Variants in ASCC3 observed in about 807,000 individuals in gnomAD.
The protein encoded by ASCC3 is ASC-1 complex subunit P200.
ASCC3 carries 158 observed loss-of-function variants against 256.3 expected under a neutral mutation model. The ratio of observed to expected loss-of-function variants is 0.62; its 90% CI spans 0.54 to 0.70. ASCC3 has a LOEUF of 0.70. ASCC3 is among the 30% of genes least tolerant of loss of function. ASCC3 has a pLI of 0.00. For synonymous variants in ASCC3, 948 were observed against 883.4 expected, an observed-to-expected ratio of 1.07 and a Z score of -1.30; for missense variants, 2,259 against 2,626.0, an observed-to-expected ratio of 0.86 and a Z score of 3.05.
chr6:100,752,866 TGA>T (rs1297215002), intron 10 of ASCC3, among the ~76,000 whole-genome samples: 4 of 152,156 alleles, frequency 2.6e-5, no homozygotes, highest in Non-Finnish European at 5.9e-5. Flanking sequence ...TAGAAAAATA[TGA>T]GAGTAAGTAT....
At chr6:100,516,417 T>C in intron 38 of ASCC3, 90 bp from the exon 39 acceptor site, 1 of 1,458,694 alleles carries the variant, frequency 6.9e-7, no homozygotes, top group Non-Finnish European at 9.4e-7. Flanking sequence ...TATAGCTTTT[T>C]TTGTTTTAAT....
At position 100,607,061 on chromosome 6, in the gene ASCC3, C is replaced by T. The variant is rs1246724506; in HGVS notation, c.4813G>A (p.Asp1605Asn). 1 of 1,613,600 alleles carries T rather than the reference C, an allele frequency of 6.2e-7. No individual in the cohort carries two copies. Residue 1605 changes from aspartate to asparagine, a missense_variant, in exon 31 of 42, where the codon GAT (aspartate) becomes AAT (asparagine). This residue lies in a region of ASCC3 where 1,839 missense variants were observed against 2,206.7 expected (regional missense o/e 0.83). Coordinates refer to ENST00000369162, the MANE Select transcript of ASCC3 (RefSeq NM_006828.4). ...EMENIIATVR[D>N]SNLKLTLAFG... ...GCAAGGGTCAGCTTGAGGTTGGAAT[C>T]TCTTACTGTTGCAATGATGTTCTCC...
rs572665081 is a variant in ASCC3 at position 100,868,277 on chromosome 6, T to A, written c.-41-239A>T. Among the ~76,000 whole-genome samples the A allele has an allele frequency of 2.6e-5, 4 of 152,364 alleles. No homozygotes were observed. In the East Asian group the frequency reaches 7.7e-4, roughly 29 times the overall value. On this transcript the variant is annotated intron_variant, in intron 1 of 41. Coordinates refer to ENST00000369162, the MANE Select transcript of ASCC3 (RefSeq NM_006828.4). The stretch of plus-strand genomic sequence containing the variant: ...AACATTTCCTCAAAATTGGGTTCTG[T>A]AGATTCCCAAGTACAGGCATCAAAT...
At chr6:100,523,221 T>C (rs371782461) in intron 37 of ASCC3, among the ~76,000 whole-genome samples, 13 of 152,060 alleles carry the variant, frequency 8.5e-5, no homozygotes, top group Middle Eastern at 3.4e-3. Flanking sequence ...CCACTGGTAT[T>C]CATTTTCCTC....
At position 100,540,090 on chromosome 6, in the gene ASCC3, T is replaced by A. The variant is rs1275215044; in HGVS notation, c.5775+73A>T. 35 of 1,377,516 alleles carry A rather than the reference T, an allele frequency of 2.5e-5. 1 individual carries two copies. In the East Asian group the frequency reaches 8.0e-4, roughly 32 times the overall value. The allele number at this position is 1,377,516 out of a possible 1,614,324, so 85.3% of individuals were successfully genotyped here. ...AGTTGTTAAATGCAAGTACATTTTATCCTAAAACTAGAAAAAAGAGGGCAG... is the reference window on the plus strand; with the variant it reads ...AGTTGTTAAATGCAAGTACATTTTAACCTAAAACTAGAAAAAAGAGGGCAG... On this transcript the variant is annotated intron_variant, in intron 37 of 41. Coordinates refer to ENST00000369162, the MANE Select transcript of ASCC3 (RefSeq NM_006828.4).
Position 100,717,994 on chromosome 6 carries a change from T to C in ASCC3, c.2079+81A>G. On this transcript the variant is annotated intron_variant, in intron 12 of 41. Coordinates refer to ENST00000369162, the MANE Select transcript of ASCC3 (RefSeq NM_006828.4). ...CACCACAAAAGGCTGAAATGGTCTTTTGGAGTCTCTAACTCCAAACAAGTA... is the reference window on the plus strand; with the variant it reads ...CACCACAAAAGGCTGAAATGGTCTTCTGGAGTCTCTAACTCCAAACAAGTA... 3.6e-6 allele frequency: 5 copies of C among 1,388,384 alleles called. No individual in the cohort carries two copies. In the South Asian group the frequency reaches 3.7e-5, roughly 10 times the overall value. 86.0% of individuals were successfully genotyped at this position (1,388,384 alleles called of 1,614,324 possible).
At chr6:100,719,463 C>T (rs2115027646) in intron 11 of ASCC3, among the ~76,000 whole-genome samples, 1 of 152,042 alleles carries the variant, frequency 6.6e-6, no homozygotes, top group Admixed American at 6.6e-5. Context: ...TTTTTTAAGA[C>T]ACAATAGTTA....
intron 36 of ASCC3, among the ~76,000 whole-genome samples, chr6:100,588,091 A>G (rs1404454851): frequency 6.6e-6 from 1 of 152,080 alleles, no homozygotes; most frequent in African/African-American, 2.4e-5. Context: ...CAGGGCCCAT[A>G]CTCTGGTGCT....
chr6:100,767,187 G>A lies in ASCC3; in HGVS notation c.1554C>T (p.Arg518=), dbSNP rs1217055938. Reference sequence around the variant, plus strand: ...TGATAACACCTTGTTGAAAATGTTGGCGAATTTCATGCAAGACTGTCAGCA... The same window carrying A: ...TGATAACACCTTGTTGAAAATGTTGACGAATTTCATGCAAGACTGTCAGCA... The part of the protein sequence containing the change: ...IAMLTVLHEI[R]QHFQQGVIKK... Residue 518 remains arginine (R), a synonymous_variant, in exon 9 of 42, where the codon CGC becomes CGT. Coordinates refer to ENST00000369162, the MANE Select transcript of ASCC3 (RefSeq NM_006828.4). The A allele has an allele frequency of 6.2e-7, 1 of 1,613,780 alleles. No homozygotes were observed. The highest frequency in any genetic ancestry group is 8.5e-7 in the Non-Finnish European group (1 of 1,180,002).
At chr6:100,849,771 C>G (rs865942657) in intron 3 of ASCC3, among the ~76,000 whole-genome samples, 22 of 151,994 alleles carry the variant, frequency 1.4e-4, no homozygotes, top group African/African-American at 5.1e-4. Flanking sequence ...TACCTAAATA[C>G]TGTTAAAGTT....
rs1473805584 is a variant in ASCC3, at chr6:100,627,628, C to T, written c.4604G>A (p.Cys1535Tyr). 2 of 1,613,528 alleles carry T rather than the reference C, an allele frequency of 1.2e-6. No individual in the cohort carries two copies. The highest frequency in any genetic ancestry group is 1.7e-5 in the Admixed American group (1 of 59,894). Residue 1535 changes from cysteine to tyrosine, a missense_variant, in exon 29 of 42, where the codon TGT (cysteine) becomes TAT (tyrosine). Physicochemically the swap from Cys to Tyr is radical, Grantham distance 194. Transcript: ENST00000369162. Reference protein sequence around the residue: ...HIQGFPGQHYCPRMASMNKPA... With the variant: ...HIQGFPGQHYYPRMASMNKPA... ...CTTGTTCATACTAGCCATACGAGGACAGTAATGTTGACCTGGAAAGCCTTG... is the reference window on the plus strand; with the variant it reads ...CTTGTTCATACTAGCCATACGAGGATAGTAATGTTGACCTGGAAAGCCTTG...
chr6:100,522,487 G>A (rs1337835973), intron 37 of ASCC3, among the ~76,000 whole-genome samples: 1 of 152,048 alleles, frequency 6.6e-6, no homozygotes, highest in South Asian at 2.1e-4. Context: ...AGAAGTTCAG[G>A]TGAAAATGAG....
intron 38 of ASCC3, 102 bp downstream of exon 38, chr6:100,517,889 A>T: frequency 7.9e-7 from 1 of 1,268,736 alleles, no homozygotes; most frequent in Non-Finnish European, 1.1e-6. Context: ...CCATGTCAAT[A>T]ATCAGTATTC....
At position 100,681,725 on chromosome 6, in the gene ASCC3, C is replaced by CA. The variant is rs10696130; in HGVS notation, c.2152-1974dup. 9.8e-3 allele frequency among the ~76,000 whole-genome samples: 571 copies of CA among 58,426 alleles called. 43 individuals are homozygous for CA. Among genetic ancestry groups the CA allele is most frequent in the Middle Eastern group, 0.017 (1 of 60 alleles). 38.3% of individuals were successfully genotyped at this position (58,426 alleles called of 152,430 possible). A position where few individuals can be genotyped will look rare whatever the true frequency, so the allele number is the denominator to read the frequency against. On this transcript the variant is annotated intron_variant, in intron 13 of 41. Coordinates refer to ENST00000369162, the MANE Select transcript of ASCC3 (RefSeq NM_006828.4). The stretch of plus-strand genomic sequence containing the variant: ...CTGGCAACAGAGCGAGACTCCGTCT[C>CA]AAAAAAAAAAAAAAAAAAAAAAGAA...
intron 3 of ASCC3, among the ~76,000 whole-genome samples, chr6:100,859,655 TTTACAAATGCC>T (rs1253388989): frequency 2.6e-5 from 4 of 151,966 alleles, no homozygotes; most frequent in Non-Finnish European, 2.9e-5. Context: ...CTACAATGGA[TTTACAAATGCC>T]TTAAACCATA....
chr6:100,755,231 A>G (rs1351956532), intron 10 of ASCC3, among the ~76,000 whole-genome samples: 1 of 152,136 alleles, frequency 6.6e-6, no homozygotes, highest in Non-Finnish European at 1.5e-5. Context: ...TTCTATTAAT[A>G]ATTGTTCTAT....
intron 3 of ASCC3, among the ~76,000 whole-genome samples, chr6:100,849,429 T>C (rs1459061923): frequency 6.6e-6 from 1 of 152,124 alleles, no homozygotes; most frequent in Non-Finnish European, 1.5e-5. Flanking sequence ...CTCAAATATC[T>C]ATAATTTTCT....
chr6:100,673,755 T>C (rs1054065714), intron 14 of ASCC3, among the ~76,000 whole-genome samples: 5 of 152,130 alleles, frequency 3.3e-5, no homozygotes, highest in Non-Finnish European at 7.4e-5. Flanking sequence ...ACTTGACTCT[T>C]CAACAATCTT....
At chr6:100,733,011 A>T (rs1279468854) in intron 10 of ASCC3, among the ~76,000 whole-genome samples, 1 of 152,204 alleles carries the variant, frequency 6.6e-6, no homozygotes, top group Non-Finnish European at 1.5e-5. Context: ...GAAGTGGCTT[A>T]ACAGAAGTTC....
Sources: gnomAD v4.1 joint callset for allele counts (sites outside exome capture counted in the v4.1 genomes callset) on GRCh38, gnomAD v4.1.1 for gene constraint, gnomAD v4.1.1 regional missense constraint, MANE v1.5 for transcripts, NCBI Gene and HGNC (gene_info 2026-07-23, HGNC 2026-07-21) for gene names.